The following R3HDM1 variants were observed in gnomAD, a reference collection of about 807,000 sequenced individuals.
The protein encoded by R3HDM1 is R3H domain containing 1, also known as R3H domain-containing protein 1.
R3HDM1 carries 46 observed loss-of-function variants against 141.1 expected under a neutral mutation model. The ratio of observed to expected loss-of-function variants is 0.33; its 90% CI spans 0.26 to 0.42. The LOEUF (loss-of-function observed/expected upper bound fraction) is 0.42. R3HDM1 is among the 10% of genes least tolerant of loss of function. The pLI, the probability that R3HDM1 is intolerant of heterozygous loss-of-function variation, is 1.00. For missense variants in R3HDM1, 1,184 were observed against 1,368.3 expected, an observed-to-expected ratio of 0.87 and a Z score of 2.12; for synonymous variants, 435 against 472.9, an observed-to-expected ratio of 0.92 and a Z score of 1.04.
At chr2:135,547,590 G>A (rs1290940459) in intron 1 of R3HDM1, among the ~76,000 whole-genome samples, 1 of 151,038 alleles carries the variant, frequency 6.6e-6, no homozygotes, top group African/African-American at 2.4e-5. Context: ...CCCGCTCACA[G>A]GTCTCATTCC....
chr2:135,710,976 A>AT (rs1197502793), intron 23 of R3HDM1, among the ~76,000 whole-genome samples: 1 of 152,192 alleles, frequency 6.6e-6, no homozygotes, highest in Non-Finnish European at 1.5e-5. Context: ...TTAAAAAAAA[A>AT]TTTTGAGAGG....
chr2:135,568,949 C>G (rs1457196725), intron 1 of R3HDM1: 2 of 143,616 alleles, frequency 1.4e-5, no homozygotes, highest in African/African-American at 5.1e-5. Context: ...AAATCCTGAT[C>G]TTAATTCTCA....
chr2:135,600,102 G>GTTTT (rs1559208218), intron 1 of R3HDM1, among the ~76,000 whole-genome samples: 7 of 133,056 alleles, frequency 5.3e-5, no homozygotes, highest in African/African-American at 1.7e-4. Context: ...AAGTTCGTAT[G>GTTTT]ATTTTTTTTT....
At chr2:135,645,163 A>G in intron 15 of R3HDM1, 1 of 383,486 alleles carries the variant, frequency 2.6e-6, no homozygotes, top group South Asian at 5.4e-5. Context: ...ATGCAGTAAA[A>G]CATTTGAATA....
intron 1 of R3HDM1, among the ~76,000 whole-genome samples, chr2:135,600,853 G>A (rs1195737826): frequency 6.6e-6 from 1 of 152,182 alleles, no homozygotes; most frequent in Non-Finnish European, 1.5e-5. Context: ...TATTGGACTA[G>A]GTGGTCTCTC....
intron 15 of R3HDM1, among the ~76,000 whole-genome samples, chr2:135,642,818 C>T (rs1051588753): frequency 7.2e-5 from 11 of 151,952 alleles, no homozygotes; most frequent in Non-Finnish European, 1.5e-4. Flanking sequence ...CTTTTTAAGA[C>T]GAAGTATGCA....
chr2:135,627,321 T>G (rs1416968655), intron 7 of R3HDM1, among the ~76,000 whole-genome samples: 2 of 152,162 alleles, frequency 1.3e-5, no homozygotes, highest in Admixed American at 1.3e-4. Flanking sequence ...AGTCAGCCTT[T>G]CCTTTTTGGA....
At chr2:135,568,855 T>C (rs1321292526) in intron 1 of R3HDM1, 1 of 152,142 alleles carries the variant, frequency 6.6e-6, no homozygotes, top group Non-Finnish European at 1.5e-5. Context: ...GATTCAGTCT[T>C]GAGATTTCAC....
intron 17 of R3HDM1, chr2:135,650,638 A>G: frequency 3.1e-6 from 3 of 982,660 alleles, no homozygotes; most frequent in African/African-American, 1.7e-5. Context: ...GTTCATAGGT[A>G]CATTTTTTTT....
Position 135,638,751 on chromosome 2 carries a change from G to T in R3HDM1, c.954G>T (p.Glu318Asp), listed in dbSNP as rs760332632. Residue 318 changes from glutamate to aspartate, a missense_variant, in exon 13 of 27, where the codon GAG (glutamate) becomes GAT (aspartate). Around this residue, in one of 5 missense-constraint regions of R3HDM1, gnomAD observed 240 missense variants for 312.3 expected, o/e 0.77. Coordinates refer to ENST00000683871, the MANE Select transcript of R3HDM1 (RefSeq NM_001378107.1). ...NYIIDKRLQD[E>D]DASSTQQRRQ... ...AAAATGCCAACAGACTCCAAGACGA[G>T]GATGCCAGTAGTACCCAGCAGAGGC... The T allele has an allele frequency of 1.9e-6, 3 of 1,613,998 alleles. No homozygotes were observed. Among genetic ancestry groups the T allele is most frequent in the Non-Finnish European group, 1.7e-6 (2 of 1,180,000 alleles).
intron 1 of R3HDM1, among the ~76,000 whole-genome samples, chr2:135,577,614 T>C (rs1218677808): frequency 6.6e-6 from 1 of 151,906 alleles, no homozygotes; most frequent in Non-Finnish European, 1.5e-5. Flanking sequence ...GGTGGGTGGA[T>C]CACCTGAGGT....
At chr2:135,630,808 AT>A (rs148434092) in intron 7 of R3HDM1, among the ~76,000 whole-genome samples, 10 of 149,750 alleles carry the variant, frequency 6.7e-5, no homozygotes, top group Non-Finnish European at 8.9e-5. Flanking sequence ...TGTAAGTTAC[AT>A]TTTTTTTTTC....
intron 24 of R3HDM1, among the ~76,000 whole-genome samples, chr2:135,719,278 G>A (rs918122178): frequency 6.6e-6 from 1 of 152,174 alleles, no homozygotes; most frequent in Non-Finnish European, 1.5e-5. Context: ...AGCCTATTAG[G>A]AGGGGTCTTT....
chr2:135,682,827 A>G (rs1198731204), intron 21 of R3HDM1, among the ~76,000 whole-genome samples: 3 of 151,416 alleles, frequency 2.0e-5, no homozygotes, highest in Admixed American at 6.6e-5. Context: ...TGAAACCTCA[A>G]CTCTACTAAA....
intron 19 of R3HDM1, among the ~76,000 whole-genome samples, chr2:135,671,489 C>A (rs1412377273): frequency 1.3e-5 from 2 of 151,942 alleles, no homozygotes; most frequent in African/African-American, 4.8e-5. Context: ...CCTGCCTCAG[C>A]CTCCCAAGTA....
chr2:135,701,363 ACTGCACTC>A (rs1208764366), intron 21 of R3HDM1, among the ~76,000 whole-genome samples: 1 of 152,142 alleles, frequency 6.6e-6, no homozygotes. Flanking sequence ...CAATCTTAAC[ACTGCACTC>A]CTGGGTCACA....
Position 135,699,028 on chromosome 2 carries a change from T to TTG in R3HDM1, c.2460-10405_2460-10404insTG, listed in dbSNP as rs1559465600. 1.0e-4 allele frequency among the ~76,000 whole-genome samples: 12 copies of TTG among 118,542 alleles called. 1 individual carries two copies. Among genetic ancestry groups the TTG allele is most frequent in the South Asian group, 4.8e-4 (2 of 4,150 alleles). 77.8% of individuals were successfully genotyped at this position (118,542 alleles called of 152,430 possible). A position where few individuals can be genotyped will look rare whatever the true frequency, so the allele number is the denominator to read the frequency against. ...ATAGATAGATAGATAGATAGATAGATAGATAGATAGATAGATAAGATAGAT... is the reference window on the plus strand; with the variant it reads ...ATAGATAGATAGATAGATAGATAGATTGAGATAGATAGATAGATAAGATAGAT... On this transcript the variant is annotated intron_variant, in intron 21 of 26. Coordinates refer to ENST00000683871, the MANE Select transcript of R3HDM1 (RefSeq NM_001378107.1).
chr2:135,605,737 T>C (rs144770025), intron 3 of R3HDM1: 1 of 152,300 alleles, frequency 6.6e-6, no homozygotes, highest in Non-Finnish European at 1.5e-5. Flanking sequence ...CAGGCTGGAG[T>C]GCAGTGGTGT....
chr2:135,666,406 G>GT (rs2067500811), intron 19 of R3HDM1, among the ~76,000 whole-genome samples: 6 of 152,232 alleles, frequency 3.9e-5, no homozygotes, highest in Admixed American at 2.0e-4. Context: ...GGCTATTCTT[G>GT]TTTTTTCATT....
Sources: gnomAD v4.1 joint callset for allele counts (sites outside exome capture counted in the v4.1 genomes callset) on GRCh38, gnomAD v4.1.1 for gene constraint, gnomAD v4.1.1 regional missense constraint, MANE v1.5 for transcripts, NCBI Gene and HGNC (gene_info 2026-07-23, HGNC 2026-07-21) for gene names.